KCNJ16: variants seen among roughly 807,000 people sequenced by gnomAD.
The protein encoded by KCNJ16 is inward rectifier potassium channel 16.
Under a neutral mutation model 18.5 loss-of-function variants are expected in KCNJ16, and 15 were observed. The observed-to-expected ratio is 0.81, with a 90% CI of 0.54 to 1.25. The LOEUF (loss-of-function observed/expected upper bound fraction) is 1.25, where lower values mean the gene tolerates loss of function less well. Ranked by LOEUF, KCNJ16 falls within the 50% of genes most tolerant of loss-of-function variation. The pLI, the probability that KCNJ16 is intolerant of heterozygous loss-of-function variation, is 0.00. For missense variants in KCNJ16, 523 were observed against 525.7 expected, an observed-to-expected ratio of 0.99 and a Z score of 0.05; for synonymous variants, 174 against 186.5, an observed-to-expected ratio of 0.93 and a Z score of 0.55.
At chr17:70,113,540 C>T (rs1273383865) in intron 2 of KCNJ16, among the ~76,000 whole-genome samples, 1 of 152,128 alleles carries the variant, frequency 6.6e-6, no homozygotes, top group Non-Finnish European at 1.5e-5. Flanking sequence ...CTGAATGGTA[C>T]AGAAACTCTT....
intron 2 of KCNJ16, among the ~76,000 whole-genome samples, chr17:70,109,158 A>T (rs2143971689): frequency 6.6e-6 from 1 of 152,280 alleles, no homozygotes; most frequent in Non-Finnish European, 1.5e-5. Context: ...ATTAAGGCTT[A>T]AAACTTTAGT....
intron 1 of KCNJ16, among the ~76,000 whole-genome samples, chr17:70,089,609 T>A (rs1317932622): frequency 6.6e-6 from 1 of 152,202 alleles, no homozygotes; most frequent in Non-Finnish European, 1.5e-5. Flanking sequence ...TTTCCATAGT[T>A]GCTGTAGTCT....
At chr17:70,100,173 G>A (rs1024138532) in intron 1 of KCNJ16, among the ~76,000 whole-genome samples, 1 of 152,170 alleles carries the variant, frequency 6.6e-6, no homozygotes, top group Non-Finnish European at 1.5e-5. Context: ...CAGGGGCTGA[G>A]GCTGTACAGA....
intron 1 of KCNJ16, among the ~76,000 whole-genome samples, chr17:70,097,574 C>A (rs962793644): frequency 1.3e-5 from 2 of 152,136 alleles, no homozygotes; most frequent in African/African-American, 4.8e-5. Context: ...AACAGGCCCT[C>A]ATCGCAGCCC....
intron 2 of KCNJ16, among the ~76,000 whole-genome samples, chr17:70,113,810 A>T: frequency 6.6e-6 from 1 of 152,176 alleles, no homozygotes; most frequent in Non-Finnish European, 1.5e-5. Flanking sequence ...TCATGGAGAT[A>T]AAAAGTGTGA....
intron 1 of KCNJ16, among the ~76,000 whole-genome samples, chr17:70,094,885 G>C (rs2072283226): frequency 6.6e-6 from 1 of 152,170 alleles, no homozygotes; most frequent in Admixed American, 6.5e-5. Context: ...CAAGGCCGTA[G>C]AATTTGTCCA....
chr17:70,118,862 A>G (rs1244635837), intron 2 of KCNJ16, among the ~76,000 whole-genome samples: 1 of 152,078 alleles, frequency 6.6e-6, no homozygotes, highest in Non-Finnish European at 1.5e-5. Context: ...GCAAAATACA[A>G]TCATTCCTTC....
chr17:70,080,152 A>C (rs2071491294), intron 1 of KCNJ16, among the ~76,000 whole-genome samples: 1 of 152,228 alleles, frequency 6.6e-6, no homozygotes, highest in South Asian at 2.1e-4. Context: ...TCTTCCATTA[A>C]AATCACTATC....
At chr17:70,105,528 CTG>C (rs1476631178) in intron 2 of KCNJ16, among the ~76,000 whole-genome samples, 1 of 152,142 alleles carries the variant, frequency 6.6e-6, no homozygotes, top group African/African-American at 2.4e-5. Flanking sequence ...AAATTTGAAA[CTG>C]TGTAATAAAA....
intron 1 of KCNJ16, among the ~76,000 whole-genome samples, chr17:70,084,039 G>T (rs1421208396): frequency 1.3e-5 from 2 of 152,184 alleles, no homozygotes; most frequent in Non-Finnish European, 2.9e-5. Context: ...GAGGAGACCA[G>T]CAGGATGTGT....
chr17:70,117,018 A>G (rs768225088), intron 2 of KCNJ16, among the ~76,000 whole-genome samples: 4 of 152,224 alleles, frequency 2.6e-5, no homozygotes, highest in Non-Finnish European at 5.9e-5. Flanking sequence ...TGATAAAGGC[A>G]CCATTCACAA....
At chr17:70,104,510 T>G (rs1010875683) in intron 2 of KCNJ16, among the ~76,000 whole-genome samples, 1 of 152,164 alleles carries the variant, frequency 6.6e-6, no homozygotes, top group African/African-American at 2.4e-5. Flanking sequence ...AAAGTGTGCA[T>G]TTGCATAGAA....
At chr17:70,117,843 A>G (rs1278212046) in intron 2 of KCNJ16, among the ~76,000 whole-genome samples, 1 of 152,300 alleles carries the variant, frequency 6.6e-6, no homozygotes, top group East Asian at 1.9e-4. Context: ...AGAACAATCT[A>G]ATCAACAAAA....
intron 2 of KCNJ16, among the ~76,000 whole-genome samples, chr17:70,103,183 TATAA>T (rs1017649935): frequency 6.7e-4 from 97 of 145,594 alleles, no homozygotes; most frequent in Admixed American, 2.6e-3. Context: ...TTTATGTGTA[TATAA>T]ATATATATGT....
intron 2 of KCNJ16, among the ~76,000 whole-genome samples, chr17:70,113,706 T>C (rs2073283186): frequency 6.6e-6 from 1 of 152,138 alleles, no homozygotes; most frequent in Non-Finnish European, 1.5e-5. Flanking sequence ...TATTACTAAC[T>C]TGGGTTGCCG....
intron 1 of KCNJ16, among the ~76,000 whole-genome samples, chr17:70,077,232 G>T (rs1250751002): frequency 6.6e-6 from 1 of 152,206 alleles, no homozygotes; most frequent in African/African-American, 2.4e-5. Context: ...AGACAGATAC[G>T]ATTCTGCAAG....
At chr17:70,098,291 A>C (rs1263130927) in intron 1 of KCNJ16, among the ~76,000 whole-genome samples, 1 of 152,218 alleles carries the variant, frequency 6.6e-6, no homozygotes, top group Non-Finnish European at 1.5e-5. Flanking sequence ...ACTGGAGAAC[A>C]AAAGCAAACA....
chr17:70,121,022 A>C (rs2073616380), intron 2 of KCNJ16, among the ~76,000 whole-genome samples: 1 of 152,164 alleles, frequency 6.6e-6, no homozygotes, highest in East Asian at 1.9e-4. Flanking sequence ...TGGGGGAAAG[A>C]TGATGGGGTC....
At chr17:70,105,128 C>T (rs987963510) in intron 2 of KCNJ16, 3 of 152,228 alleles carry the variant, frequency 2.0e-5, no homozygotes, top group African/African-American at 4.8e-5. Flanking sequence ...AATTGCTTGT[C>T]GGCTCTTTTA....
Sources: gnomAD v4.1 joint callset for allele counts (sites outside exome capture counted in the v4.1 genomes callset) on GRCh38, gnomAD v4.1.1 for gene constraint, MANE v1.5 for transcripts, NCBI Gene and HGNC (gene_info 2026-07-23, HGNC 2026-07-21) for gene names.